HLA-DMB: variants seen among roughly 807,000 people sequenced by gnomAD.
HLA-DMB encodes HLA class II histocompatibility antigen, DM beta chain.
HLA-DMB carries 18 observed loss-of-function variants against 29.3 expected under a neutral mutation model. The observed-to-expected ratio is 0.62, with a 90% CI of 0.43 to 0.91. The LOEUF (loss-of-function observed/expected upper bound fraction) is 0.91. HLA-DMB is among the 40% of genes least tolerant of loss of function. The pLI is 0.00. For missense variants in HLA-DMB, 258 were observed against 320.9 expected (o/e 0.80, Z 1.50); for synonymous variants, 143 against 128.7 (o/e 1.11, Z -0.75).
intron 1 of HLA-DMB, among the ~76,000 whole-genome samples, chr6:32,940,162 G>A (rs1261281421): frequency 1.3e-5 from 2 of 152,046 alleles, no homozygotes; most frequent in African/African-American, 2.4e-5. Context: ...GTGACATCCA[G>A]CTAGTCTGGC....
At position 32,940,957 on chromosome 6, in the gene HLA-DMB, C is replaced by A. The variant is rs1214220606; in HGVS notation, c.-150G>T. The A allele has an allele frequency of 1.7e-6, 1 of 576,430 alleles. No individual in the cohort carries two copies. The highest frequency in any genetic ancestry group is 3.1e-6 in the Non-Finnish European group (1 of 320,472). The allele number at this position is 576,430 out of a possible 1,614,324, so 35.7% of individuals were successfully genotyped here. A position where few individuals can be genotyped will look rare whatever the true frequency, so the allele number is the denominator to read the frequency against. On this transcript the variant is annotated 5_prime_UTR_variant, in exon 1 of 6. Transcript: ENST00000418107. Reference sequence around the variant, plus strand: ...TATATTGCCCGGGTCCCTTGACCCCCCAAATGAGTGATGTGGGGATACCCA... The same window carrying A: ...TATATTGCCCGGGTCCCTTGACCCCACAAATGAGTGATGTGGGGATACCCA...
chr6:32,937,711 C>A lies in HLA-DMB; in HGVS notation c.338-255G>T. On this transcript the variant is annotated intron_variant, in intron 2 of 5. Transcript: ENST00000418107. This position sits in a 1 kb window ranked among gnomAD's most constrained non-coding sequence, Gnocchi z 4.1. ...TATGTTTGATTACAATTAGTAAAAG[C>A]CAGATCTGAACTGCAAGCTGTTCTA... 1 of 541,776 alleles carries A rather than the reference C, an allele frequency of 1.8e-6. No individual in the cohort carries two copies. Among genetic ancestry groups the A allele is most frequent in the Non-Finnish European group, 3.3e-6 (1 of 306,466 alleles). 33.6% of individuals were successfully genotyped at this position (541,776 alleles called of 1,614,324 possible).
chr6:32,940,309 G>C (rs187665938), intron 1 of HLA-DMB, among the ~76,000 whole-genome samples: 68 of 152,030 alleles, frequency 4.5e-4, no homozygotes, highest in African/African-American at 1.6e-3. Flanking sequence ...ACTAAGCACA[G>C]GGATAGGAGT....
chr6:32,937,782 A>C lies in HLA-DMB; in HGVS notation c.338-326T>G. 3.0e-6 allele frequency: 1 copy of C among 337,206 alleles called. No individual in the cohort carries two copies. The highest frequency in any genetic ancestry group is 5.4e-6 in the Non-Finnish European group (1 of 185,110). 20.9% of individuals were successfully genotyped at this position (337,206 alleles called of 1,614,324 possible). A position where few individuals can be genotyped will look rare whatever the true frequency, so the allele number is the denominator to read the frequency against. The stretch of plus-strand genomic sequence containing the variant: ...AAGTACATAAACTGGAAAGTATTTG[A>C]AATAAGGAAGCTAAGAGTAATCCAG... On this transcript the variant is annotated intron_variant, in intron 2 of 5. Transcript: ENST00000418107. The surrounding 1 kb of genome is among the most constrained non-coding windows in gnomAD (Gnocchi z 4.1).
chr6:32,939,453 G>C (rs1365899320), intron 1 of HLA-DMB, among the ~76,000 whole-genome samples: 1 of 152,236 alleles, frequency 6.6e-6, no homozygotes, highest in African/African-American at 2.4e-5. Context: ...GAGCTCCTGT[G>C]ATTGGGACCC....
At chr6:32,935,860 C>T (rs23544) in intron 3 of HLA-DMB, 258,704 of 586,224 alleles carry the variant, frequency 0.44, 59,865 homozygotes, top group Middle Eastern at 0.47. Context: ...GCCTGGGGAA[C>T]CCATCTCCCC....
At position 32,940,891 on chromosome 6, in the gene HLA-DMB, C is replaced by T. The variant is rs28365996; in HGVS notation, c.-84G>A. ...GTGGGTCCTCGCCTGTCCCAGAAGC[C>T]CCAGCCTGGGTAGATGATCTCCAGA... On this transcript the variant is annotated 5_prime_UTR_variant, in exon 1 of 6. Coordinates refer to ENST00000418107, the MANE Select transcript of HLA-DMB (RefSeq NM_002118.5). The T allele has an allele frequency of 1.1e-5, 12 of 1,074,692 alleles. No homozygotes were observed. The highest frequency in any genetic ancestry group is 1.0e-4 in the East Asian group (4 of 38,556). The allele number at this position is 1,074,692 out of a possible 1,614,324, so 66.6% of individuals were successfully genotyped here.
chr6:32,935,714 T>C (rs1029891162), intron 3 of HLA-DMB, 62 bp from the exon 4 acceptor site: 1 of 1,192,964 alleles, frequency 8.4e-7, no homozygotes, highest in South Asian at 1.2e-5. Context: ...GCAATTCCAT[T>C]TATTGCAGCC....
chr6:32,937,661 C>G lies in HLA-DMB; in HGVS notation c.338-205G>C. 1 of 563,112 alleles carries G rather than the reference C, an allele frequency of 1.8e-6. No individual in the cohort carries two copies. The highest frequency in any genetic ancestry group is 2.9e-5 in the East Asian group (1 of 34,378). 34.9% of individuals were successfully genotyped at this position (563,112 alleles called of 1,614,324 possible). On this transcript the variant is annotated intron_variant, in intron 2 of 5. Coordinates refer to ENST00000418107, the MANE Select transcript of HLA-DMB (RefSeq NM_002118.5). This position sits in a 1 kb window ranked among gnomAD's most constrained non-coding sequence, Gnocchi z 4.1. ...CTTCTCTCCCATTCCTTCATTGCCCCTTTCTTTCTTTCCTCCTCCAGAATT... is the reference window on the plus strand; with the variant it reads ...CTTCTCTCCCATTCCTTCATTGCCCGTTTCTTTCTTTCCTCCTCCAGAATT...
intron 2 of HLA-DMB, 108 bp downstream of exon 2, chr6:32,938,576 T>C: frequency 9.0e-7 from 1 of 1,114,704 alleles, no homozygotes; most frequent in Non-Finnish European, 1.2e-6. Flanking sequence ...ACACATTTTC[T>C]CTTATTTGCT....
chr6:32,936,955 A>C, intron 3 of HLA-DMB: 1 of 401,238 alleles, frequency 2.5e-6, no homozygotes, highest in Non-Finnish European at 4.4e-6. Flanking sequence ...GGTTTTTGCC[A>C]CTGAAAGTAA....
At position 32,937,106 on chromosome 6, in the gene HLA-DMB, A is replaced by G. The variant is rs748943146; in HGVS notation, c.622+66T>C. On this transcript the variant is annotated intron_variant, in intron 3 of 5. Transcript: ENST00000418107. This position sits in a 1 kb window ranked among gnomAD's most constrained non-coding sequence, Gnocchi z 4.1. The stretch of plus-strand genomic sequence containing the variant: ...AGCACTTCGCTGTCTACCATGTACC[A>G]TGTATCGATCCACATCTCATTTTCT... 5 of 1,401,210 alleles carry G rather than the reference A, an allele frequency of 3.6e-6. No homozygotes were observed. Among genetic ancestry groups the G allele is most frequent in the East Asian group, 2.3e-5 (1 of 43,242 alleles). The allele number at this position is 1,401,210 out of a possible 1,614,324, so 86.8% of individuals were successfully genotyped here. A position where few individuals can be genotyped will look rare whatever the true frequency, so the allele number is the denominator to read the frequency against.
chr6:32,940,753 C>A lies in HLA-DMB; in HGVS notation c.55G>T (p.Gly19Cys). 1 of 1,605,204 alleles carries A rather than the reference C, an allele frequency of 6.2e-7. No homozygotes were observed. Among genetic ancestry groups the A allele is most frequent in the East Asian group, 2.2e-5 (1 of 44,476 alleles). Reference sequence around the variant, plus strand: ...GAGTCCCCAGAAGAAGTGTCCTTACCTGCTCCTGTGCAGCCCAGGCTGAGC... The same window carrying A: ...GAGTCCCCAGAAGAAGTGTCCTTACATGCTCCTGTGCAGCCCAGGCTGAGC... ...LGLSLGCTGA[G>C]GFVAHVESTC... The change falls in exon 1 of 6, where the codon GGT (glycine) becomes TGT (cysteine). Residue 19 changes from glycine (G) to cysteine (C), a missense_variant and splice_region_variant. Coordinates refer to ENST00000418107, the MANE Select transcript of HLA-DMB (RefSeq NM_002118.5).
chr6:32,935,592 A>G lies in HLA-DMB; in HGVS notation c.683T>C (p.Leu228Pro). The change falls in exon 4 of 6, where the codon CTG (leucine) becomes CCG (proline). Residue 228 changes from leucine to proline, a missense_variant. Coordinates refer to ENST00000418107, the MANE Select transcript of HLA-DMB (RefSeq NM_002118.5). ...ACCAAGAGAGAAGATGATGAGGCCCAGGCCCAGAGTCACTGCAGACACAGA... is the reference window on the plus strand; with the variant it reads ...ACCAAGAGAGAAGATGATGAGGCCCGGGCCCAGAGTCACTGCAGACACAGA... ...KVSVSAVTLG[L>P]GLIIFSLGVI... is the part of the protein sequence containing the mutation. 1 of 1,613,094 alleles carries G rather than the reference A, an allele frequency of 6.2e-7. No homozygotes were observed. The highest frequency in any genetic ancestry group is 8.5e-7 in the Non-Finnish European group (1 of 1,180,024).
chr6:32,937,309 G>T lies in HLA-DMB; in HGVS notation c.485C>A (p.Ala162Glu), dbSNP rs2071555. The change falls in exon 3 of 6, where the codon GCG (alanine) becomes GAG (glutamate). Residue 162 changes from alanine (A) to glutamate (E), a missense_variant. Ala to Glu is a moderately radical substitution (Grantham distance 107). Transcript: ENST00000418107. This position sits in a 1 kb window ranked among gnomAD's most constrained non-coding sequence, Gnocchi z 4.1. ...TCCATTGGGCTGGGCAGTCTTGTGC[G>T]CACTGCTGTGAGGCATGACAAGCTT... ...NGKLVMPHSS[A>E]HKTAQPNGDW... 54,760 of 1,614,062 alleles carry T rather than the reference G, an allele frequency of 0.034. 2,009 individuals are homozygous for T. The highest frequency in any genetic ancestry group is 0.2 in the East Asian group (8,805 of 44,872).
Position 32,940,828 on chromosome 6 carries a change from C to G in HLA-DMB, c.-21G>C, listed in dbSNP as rs567723158. 1.3e-6 allele frequency: 2 copies of G among 1,579,170 alleles called. No homozygotes were observed. Among genetic ancestry groups the G allele is most frequent in the Non-Finnish European group, 8.6e-7 (1 of 1,163,048 alleles). On this transcript the variant is annotated 5_prime_UTR_variant, in exon 1 of 6. Transcript: ENST00000418107. ...ATCATGCTCTGCTCTGTAAAGATGC[C>G]GGGAGTTCAGTCCCCTGGACCAGCT... is the stretch of plus-strand genomic sequence containing the variant.
At position 32,937,762 on chromosome 6, in the gene HLA-DMB, C is replaced by A; in HGVS notation, c.338-306G>T. ...GAAGTTGTTGTATTTATTTCAAGTA[C>A]ATAAACTGGAAAGTATTTGAAATAA... On this transcript the variant is annotated intron_variant, in intron 2 of 5. Coordinates refer to ENST00000418107, the MANE Select transcript of HLA-DMB (RefSeq NM_002118.5). This position sits in a 1 kb window ranked among gnomAD's most constrained non-coding sequence, Gnocchi z 4.1. 2 of 381,232 alleles carry A rather than the reference C, an allele frequency of 5.2e-6. No individual in the cohort carries two copies. Among genetic ancestry groups the A allele is most frequent in the South Asian group, 6.2e-5 (1 of 16,066 alleles). 23.6% of individuals were successfully genotyped at this position (381,232 alleles called of 1,614,324 possible).
chr6:32,934,913 A>C lies in HLA-DMB; in HGVS notation c.*58T>G. 1 of 1,504,798 alleles carries C rather than the reference A, an allele frequency of 6.6e-7. No individual in the cohort carries two copies. Among genetic ancestry groups the C allele is most frequent in the South Asian group, 1.1e-5 (1 of 88,796 alleles). The allele number at this position is 1,504,798 out of a possible 1,614,324, so 93.2% of individuals were successfully genotyped here. ...GTTGAAGATGTTGGAGAGGCATGGT[A>C]GCATCATTGAGTTTGAATCTCCTTC... On this transcript the variant is annotated 3_prime_UTR_variant, in exon 6 of 6. Coordinates refer to ENST00000418107, the MANE Select transcript of HLA-DMB (RefSeq NM_002118.5).
chr6:32,934,638 T>C lies in HLA-DMB; in HGVS notation c.*333A>G. 6.3e-6 allele frequency: 2 copies of C among 318,504 alleles called. No individual in the cohort carries two copies. Among genetic ancestry groups the C allele is most frequent in the Non-Finnish European group, 1.1e-5 (2 of 173,960 alleles). The allele number at this position is 318,504 out of a possible 1,614,324, so 19.7% of individuals were successfully genotyped here. ...GAAGAAGACATGGAAAAACAATATT[T>C]CCACCAAAGTTTATTTCTCTGAAAC... On this transcript the variant is annotated 3_prime_UTR_variant, in exon 6 of 6. Transcript: ENST00000418107.
Sources: allele counts gnomAD v4.1 joint callset (sites outside exome capture counted in the v4.1 genomes callset), GRCh38; gene constraint gnomAD v4.1.1; non-coding constraint Gnocchi (gnomAD v3.1); transcripts MANE v1.5; gene names NCBI Gene and HGNC (gene_info 2026-07-23, HGNC 2026-07-21).